EDA: variants seen among roughly 807,000 people sequenced by gnomAD.
EDA encodes ectodysplasin-A.
In EDA, 2 loss-of-function variants were observed where a neutral mutation model predicts 23.6. The ratio of observed to expected loss-of-function variants is 0.08; its 90% confidence interval spans 0.03 to 0.27. The LOEUF (loss-of-function observed/expected upper bound fraction) is 0.27, where lower values mean the gene tolerates loss of function less well. Ranked by LOEUF, EDA falls within the 10% of genes least tolerant of loss-of-function variation. The probability of loss-of-function intolerance (pLI) is 1.00; values close to 1 mark genes in which losing one functional copy is unlikely to be tolerated. For synonymous variants in EDA, 131 were observed against 132.0 expected (o/e 0.99, Z 0.05); for missense variants, 229 against 324.2 (o/e 0.71, Z 2.26).
intron 1 of EDA, among the ~76,000 whole-genome samples, chrX:69,795,878 C>T (rs2015529564): frequency 1.8e-5 from 2 of 112,215 alleles, no homozygotes; most frequent in South Asian, 7.4e-4. Flanking sequence ...TCCGCCCCCT[C>T]CCCCATCCAG....
chrX:69,958,689 A>G (rs1008478632), intron 2 of EDA, among the ~76,000 whole-genome samples: 1 of 111,509 alleles, frequency 9.0e-6, no homozygotes, highest in Admixed American at 9.6e-5. Context: ...CAGTCCATGT[A>G]GTAAAAGTTA....
chrX:69,938,016 A>G, intron 1 of EDA: 1 of 1,166,956 alleles, frequency 8.6e-7, no homozygotes. Flanking sequence ...TGCTGCTGGC[A>G]TAGTGAGGGC....
intron 1 of EDA, among the ~76,000 whole-genome samples, chrX:69,786,017 C>G (rs1368180808): frequency 2.7e-5 from 3 of 109,762 alleles, no homozygotes; most frequent in Non-Finnish European, 3.8e-5. Flanking sequence ...CTGGTTTAGT[C>G]TTGAGAGAGT....
At chrX:69,731,634 G>T (rs1569311286) in intron 1 of EDA, among the ~76,000 whole-genome samples, 1 of 110,637 alleles carries the variant, frequency 9.0e-6, no homozygotes, top group Non-Finnish European at 1.9e-5. Flanking sequence ...TAGAGATGGG[G>T]TTTCACCATG....
chrX:69,881,644 A>G (rs997788192), intron 1 of EDA, among the ~76,000 whole-genome samples: 2 of 111,674 alleles, frequency 1.8e-5, no homozygotes, highest in Non-Finnish European at 1.9e-5. Flanking sequence ...CTCCATTTCA[A>G]TGCTGCATTA....
At chrX:69,915,177 C>T (rs1456507433) in intron 1 of EDA, among the ~76,000 whole-genome samples, 1 of 111,891 alleles carries the variant, frequency 8.9e-6, no homozygotes, top group Non-Finnish European at 1.9e-5. Context: ...TTAGGCCTTT[C>T]TTTTTGTAAT....
chrX:69,990,660 A>G (rs1176850802), intron 2 of EDA, among the ~76,000 whole-genome samples: 1 of 108,495 alleles, frequency 9.2e-6, no homozygotes, highest in Admixed American at 9.8e-5. Context: ...ACTAAAGCGG[A>G]TATTATCGAA....
chrX:69,904,616 T>A (rs2018151481), intron 1 of EDA, among the ~76,000 whole-genome samples: 1 of 112,211 alleles, frequency 8.9e-6, no homozygotes, highest in Non-Finnish European at 1.9e-5. Context: ...TTCCGAAGTG[T>A]TGGGATTACA....
At chrX:69,790,773 C>G (rs2015381590) in intron 1 of EDA, among the ~76,000 whole-genome samples, 1 of 110,964 alleles carries the variant, frequency 9.0e-6, no homozygotes, top group Admixed American at 9.6e-5. Context: ...ACTGCTGGTG[C>G]CAGCAGTTCA....
intron 1 of EDA, among the ~76,000 whole-genome samples, chrX:69,719,788 T>C (rs955046245): frequency 9.2e-6 from 1 of 109,147 alleles, no homozygotes; most frequent in Non-Finnish European, 1.9e-5. Context: ...TTCACTCTGT[T>C]GCGCAGCCTG....
chrX:69,783,354 G>A (rs2015018801), intron 1 of EDA, among the ~76,000 whole-genome samples: 1 of 109,534 alleles, frequency 9.1e-6, no homozygotes, highest in South Asian at 4.0e-4. Context: ...AGTTACATAT[G>A]TATACATGTG....
intron 2 of EDA, 196 bp downstream of exon 2, chrX:69,957,328 C>T: frequency 2.5e-6 from 1 of 401,180 alleles, no homozygotes; most frequent in Non-Finnish European, 4.5e-6. Context: ...CCTGTCTCTA[C>T]TAAAAATACA....
chrX:69,894,829 G>A (rs938429613), intron 1 of EDA, among the ~76,000 whole-genome samples: 1 of 111,626 alleles, frequency 9.0e-6, no homozygotes, highest in Non-Finnish European at 1.9e-5. Context: ...GGTTTTCTAG[G>A]TATAAAATCA....
At chrX:69,774,237 C>T (rs915446607) in intron 1 of EDA, among the ~76,000 whole-genome samples, 29 of 112,065 alleles carry the variant, frequency 2.6e-4, no homozygotes, top group African/African-American at 9.4e-4. Context: ...CACATGCATC[C>T]ACTGATTAGT....
chrX:70,025,974 C>A (rs2020101432), intron 3 of EDA, among the ~76,000 whole-genome samples: 1 of 111,791 alleles, frequency 8.9e-6, no homozygotes, highest in Admixed American at 9.5e-5. Context: ...AGTGGCATTG[C>A]CATGAGGATT....
chrX:70,021,930 C>G (rs777226006), intron 2 of EDA, among the ~76,000 whole-genome samples: 1 of 111,831 alleles, frequency 8.9e-6, no homozygotes, highest in East Asian at 2.8e-4. Flanking sequence ...TTGCAAATAT[C>G]AAATGAGATG....
intron 2 of EDA, among the ~76,000 whole-genome samples, chrX:69,990,698 T>A (rs1409997): frequency 0.087 from 9,600 of 109,728 alleles, 356 homozygotes; most frequent in Non-Finnish European, 0.11. Context: ...GGGTTGCTCC[T>A]TTTTTGGTCC....
intron 3 of EDA, among the ~76,000 whole-genome samples, chrX:70,027,446 A>G (rs1369046594): frequency 1.8e-5 from 2 of 111,957 alleles, no homozygotes; most frequent in East Asian, 5.6e-4. Context: ...ACTCTTTAGC[A>G]GGGCCTCCCA....
chrX:70,003,854 A>T (rs2019769101), intron 2 of EDA, among the ~76,000 whole-genome samples: 1 of 111,416 alleles, frequency 9.0e-6, no homozygotes. Flanking sequence ...TTGACCAAGG[A>T]GCCCCATTTC....
Sources: gnomAD v4.1 joint callset for allele counts (sites outside exome capture counted in the v4.1 genomes callset) on GRCh38, gnomAD v4.1.1 for gene constraint, MANE v1.5 for transcripts, NCBI Gene and HGNC (gene_info 2026-07-23, HGNC 2026-07-21) for gene names.